EPHA3: variants seen among roughly 807,000 people sequenced by gnomAD.
The protein encoded by EPHA3 is ephrin type-A receptor 3.
In EPHA3, 42 loss-of-function variants were observed where a neutral mutation model predicts 107.1. The ratio of observed to expected loss-of-function variants is 0.39; its 90% CI spans 0.31 to 0.51. The LOEUF (loss-of-function observed/expected upper bound fraction) is 0.51. EPHA3 is among the 20% of genes least tolerant of loss of function. The pLI is 0.78. For missense variants in EPHA3, 1,183 were observed against 1,211.2 expected, an observed-to-expected ratio of 0.98 and a Z score of 0.35; for synonymous variants, 461 against 424.8, an observed-to-expected ratio of 1.09 and a Z score of -1.05.
intron 5 of EPHA3, among the ~76,000 whole-genome samples, chr3:89,346,525 G>C (rs901143145): frequency 2.0e-5 from 3 of 148,296 alleles, no homozygotes; most frequent in Non-Finnish European, 4.5e-5. Context: ...TTAGCCCTTT[G>C]TCAGATGAGT....
At chr3:89,161,168 T>C (rs764178933) in intron 2 of EPHA3, among the ~76,000 whole-genome samples, 23 of 152,126 alleles carry the variant, frequency 1.5e-4, no homozygotes, top group Non-Finnish European at 2.6e-4. Context: ...ATCATTTTGA[T>C]TTCCCTGGAT....
At chr3:89,159,816 C>T (rs1422268863) in intron 2 of EPHA3, among the ~76,000 whole-genome samples, 4 of 151,930 alleles carry the variant, frequency 2.6e-5, no homozygotes, top group East Asian at 1.9e-4. Flanking sequence ...TAGCTTCACA[C>T]GGTGATTTAT....
chr3:89,341,123 T>G, intron 4 of EPHA3, 52 bp downstream of exon 4: 1 of 1,566,942 alleles, frequency 6.4e-7, no homozygotes, highest in South Asian at 1.2e-5. Flanking sequence ...GTTTTCTTCT[T>G]GTTACTGTGC....
chr3:89,431,513 T>C lies in EPHA3; in HGVS notation c.2346+154T>C, dbSNP rs544935591. ...TTAAAATTAAAATATTATTATTTAT[T>C]CTGGGTAAATAGATGGTCACTGTTT... On this transcript the variant is annotated intron_variant, in intron 13 of 16. Coordinates refer to ENST00000336596, the MANE Select transcript of EPHA3 (RefSeq NM_005233.6). 1.3e-4 allele frequency among the ~76,000 whole-genome samples: 20 copies of C among 152,276 alleles called. No homozygotes were observed. In the South Asian group the frequency reaches 4.1e-3, roughly 32 times the overall value.
chr3:89,216,940 C>CT (rs1006213670), intron 3 of EPHA3, among the ~76,000 whole-genome samples: 1 of 152,058 alleles, frequency 6.6e-6, no homozygotes, highest in Non-Finnish European at 1.5e-5. Context: ...AGAACTAGAT[C>CT]TTTTTTTCCC....
intron 2 of EPHA3, among the ~76,000 whole-genome samples, chr3:89,162,237 G>A (rs528187017): frequency 2.6e-5 from 4 of 152,132 alleles, no homozygotes; most frequent in Admixed American, 2.6e-4. Context: ...AGGTAATTTG[G>A]TGTCCTGGAA....
intron 3 of EPHA3, among the ~76,000 whole-genome samples, chr3:89,278,860 T>C (rs1705873298): frequency 1.3e-5 from 2 of 152,184 alleles, no homozygotes; most frequent in African/African-American, 4.8e-5. Context: ...ATAGATTTCA[T>C]TACTCTAAGT....
At chr3:89,396,016 T>G (rs1708844764) in intron 6 of EPHA3, 55 bp downstream of exon 6, 1 of 1,596,408 alleles carries the variant, frequency 6.3e-7, no homozygotes, top group Non-Finnish European at 8.5e-7. Flanking sequence ...TGTTTCCTCA[T>G]GAGCTGTGCT....
intron 3 of EPHA3, among the ~76,000 whole-genome samples, chr3:89,241,172 T>C (rs1324244127): frequency 6.6e-6 from 1 of 152,064 alleles, no homozygotes; most frequent in Non-Finnish European, 1.5e-5. Context: ...TTTTAATGTC[T>C]CTCCTATTTG....
In EPHA3 at chr3:89,395,909, C is replaced by A; in HGVS notation, c.1379C>A (p.Pro460His). 6.2e-7 allele frequency: 1 copy of A among 1,614,060 alleles called. No individual in the cohort carries two copies. The highest frequency in any genetic ancestry group is 1.1e-5 in the South Asian group (1 of 91,058). Reference protein sequence around the residue: ...RNSISLSWQEPEHPNGIILDY... With the variant: ...RNSISLSWQEHEHPNGIILDY... ...AGCATCTCTTTGTCCTGGCAAGAACCTGAACATCCTAATGGGATCATATTG... is the reference window on the plus strand; with the variant it reads ...AGCATCTCTTTGTCCTGGCAAGAACATGAACATCCTAATGGGATCATATTG... The change falls in exon 6 of 17, where the codon CCT becomes CAT. Residue 460 changes from proline (P) to histidine (H), a missense_variant. Pro to His is a moderately conservative substitution (Grantham distance 77, BLOSUM62 -2). Transcript: ENST00000336596.
At chr3:89,378,147 G>C (rs1708436766) in intron 5 of EPHA3, among the ~76,000 whole-genome samples, 1 of 151,986 alleles carries the variant, frequency 6.6e-6, no homozygotes, top group African/African-American at 2.4e-5. Context: ...AGTATTAGGA[G>C]AAATACCTAA....
At chr3:89,206,086 C>T (rs1420040487) in intron 2 of EPHA3, among the ~76,000 whole-genome samples, 5 of 152,008 alleles carry the variant, frequency 3.3e-5, no homozygotes, top group Non-Finnish European at 4.4e-5. Flanking sequence ...TTGTTGTTTT[C>T]GCAAGTGGTC....
chr3:89,197,851 C>A (rs1201148058), intron 2 of EPHA3, among the ~76,000 whole-genome samples: 2 of 152,070 alleles, frequency 1.3e-5, no homozygotes, highest in Non-Finnish European at 2.9e-5. Flanking sequence ...GTGGTGTGTG[C>A]CTTAGTCCCA....
intron 5 of EPHA3, among the ~76,000 whole-genome samples, chr3:89,377,578 C>G (rs897009830): frequency 2.0e-5 from 3 of 152,130 alleles, no homozygotes; most frequent in Admixed American, 2.0e-4. Context: ...ACGAAACCCA[C>G]TCGTATTTGG....
chr3:89,304,884 A>G (rs1395583559), intron 3 of EPHA3, among the ~76,000 whole-genome samples: 1 of 152,200 alleles, frequency 6.6e-6, no homozygotes, highest in Non-Finnish European at 1.5e-5. Context: ...ATCATGGACC[A>G]CAATTGCCAT....
At chr3:89,351,298 G>A (rs1177265185) in intron 5 of EPHA3, among the ~76,000 whole-genome samples, 1 of 151,540 alleles carries the variant, frequency 6.6e-6, no homozygotes, top group Non-Finnish European at 1.5e-5. Context: ...CTCTGAGCCA[G>A]GTGTGGGATA....
chr3:89,364,047 C>T (rs1708145186), intron 5 of EPHA3, among the ~76,000 whole-genome samples: 1 of 150,754 alleles, frequency 6.6e-6, no homozygotes, highest in Admixed American at 6.7e-5. Context: ...TAAATATTTT[C>T]ATGTCAACAT....
rs1179421670 is a variant in EPHA3, at chr3:89,147,598, T to C, written c.153+20325T>C. Among the ~76,000 whole-genome samples, 9 of 151,894 alleles carry C rather than the reference T, an allele frequency of 5.9e-5. No individual in the cohort carries two copies. The East Asian group carries it at 1.2e-3, about 20-fold the overall frequency. On this transcript the variant is annotated intron_variant, in intron 2 of 16. Coordinates refer to ENST00000336596, the MANE Select transcript of EPHA3 (RefSeq NM_005233.6). ...AGACACGAACAGAATCGTGTTTCAA[T>C]TGACCGCAATCAGTTCAATACTGTC...
intron 5 of EPHA3, among the ~76,000 whole-genome samples, chr3:89,372,087 T>A: frequency 6.6e-6 from 1 of 151,658 alleles, no homozygotes; most frequent in East Asian, 1.9e-4. Context: ...TCTGCATAAC[T>A]GATCATCAAT....
Sources: allele counts gnomAD v4.1 joint callset (sites outside exome capture counted in the v4.1 genomes callset), GRCh38; gene constraint gnomAD v4.1.1; transcripts MANE v1.5; gene names NCBI Gene and HGNC (gene_info 2026-07-23, HGNC 2026-07-21).